AKAP6: variants seen among roughly 807,000 people sequenced by gnomAD.
AKAP6 encodes A-kinase anchoring protein 6.
A neutral mutation model predicts 188.5 loss-of-function variants in AKAP6; 58 were observed. That is an observed-to-expected ratio of 0.31 (90% CI 0.25 to 0.38). The LOEUF is 0.38. Among genes scored for constraint, AKAP6 ranks in the 10% least tolerant of loss-of-function variants. The pLI is 1.00. For synonymous variants in AKAP6, 989 were observed against 998.6 expected (o/e 0.99, Z 0.18); for missense variants, 2,710 against 2,740.0 (o/e 0.99, Z 0.24).
At chr14:32,613,578 T>G (rs1224180495) in intron 7 of AKAP6, among the ~76,000 whole-genome samples, 1 of 152,202 alleles carries the variant, frequency 6.6e-6, no homozygotes, top group African/African-American at 2.4e-5. Context: ...AAGGTAATAA[T>G]AGTATGATAT....
At chr14:32,467,964 A>C (rs1878555251) in intron 2 of AKAP6, among the ~76,000 whole-genome samples, 1 of 151,702 alleles carries the variant, frequency 6.6e-6, no homozygotes, top group Admixed American at 6.6e-5. Context: ...AGTCTTTGTC[A>C]TCAAGGGACT....
chr14:32,349,609 A>G (rs1887194134), intron 1 of AKAP6, among the ~76,000 whole-genome samples: 1 of 152,256 alleles, frequency 6.6e-6, no homozygotes, highest in South Asian at 2.1e-4. Context: ...CATAAAAATA[A>G]TAACAATGAT....
chr14:32,411,034 G>A (rs1359632004), intron 1 of AKAP6, among the ~76,000 whole-genome samples: 2 of 152,168 alleles, frequency 1.3e-5, no homozygotes, highest in African/African-American at 4.8e-5. Flanking sequence ...TGTCAGCTAT[G>A]AGCCTCACTA....
At chr14:32,649,417 C>G (rs571637653) in intron 7 of AKAP6, among the ~76,000 whole-genome samples, 2 of 151,974 alleles carry the variant, frequency 1.3e-5, no homozygotes. Flanking sequence ...TTATGTATGC[C>G]GATTGGCAGG....
chr14:32,538,593 T>A (rs1408849058), intron 3 of AKAP6, among the ~76,000 whole-genome samples: 5 of 152,066 alleles, frequency 3.3e-5, no homozygotes, highest in Non-Finnish European at 7.4e-5. Context: ...AAAATAAAAC[T>A]AGTCAATAAC....
chr14:32,516,181 T>C (rs1015792532), intron 2 of AKAP6, among the ~76,000 whole-genome samples: 3 of 152,246 alleles, frequency 2.0e-5, no homozygotes, highest in African/African-American at 4.8e-5. Context: ...TCTGTGATGA[T>C]CTGCAAAGAC....
intron 9 of AKAP6, among the ~76,000 whole-genome samples, chr14:32,696,910 T>A (rs1007938116): frequency 2.6e-5 from 4 of 152,206 alleles, no homozygotes; most frequent in Admixed American, 1.3e-4. Context: ...ATTTAGGCAA[T>A]TTTTATTGGA....
intron 12 of AKAP6, among the ~76,000 whole-genome samples, chr14:32,795,840 A>G (rs1359332663): frequency 6.6e-6 from 1 of 152,202 alleles, no homozygotes; most frequent in Non-Finnish European, 1.5e-5. Flanking sequence ...GAGGAAGTCA[A>G]ATCATCTTTG....
At chr14:32,418,536 T>C (rs966903039) in intron 1 of AKAP6, among the ~76,000 whole-genome samples, 4 of 152,190 alleles carry the variant, frequency 2.6e-5, no homozygotes, top group African/African-American at 9.6e-5. Flanking sequence ...TGACCTATTA[T>C]AATGTTCAGC....
intron 7 of AKAP6, among the ~76,000 whole-genome samples, chr14:32,624,994 A>T (rs535894646): frequency 9.8e-5 from 15 of 152,286 alleles, no homozygotes; most frequent in African/African-American, 3.6e-4. Context: ...TCATACAGTG[A>T]ATAATTAAAA....
At chr14:32,708,702 T>C (rs1890915327) in intron 9 of AKAP6, among the ~76,000 whole-genome samples, 2 of 152,046 alleles carry the variant, frequency 1.3e-5, no homozygotes, top group Admixed American at 6.6e-5. Flanking sequence ...TGTTACAAGA[T>C]GCATCATTTC....
At chr14:32,365,063 G>A (rs1401525112) in intron 1 of AKAP6, among the ~76,000 whole-genome samples, 1 of 152,106 alleles carries the variant, frequency 6.6e-6, no homozygotes, top group Non-Finnish European at 1.5e-5. Context: ...ATTGAAACAA[G>A]GTAGGCTTGC....
At chr14:32,375,275 G>C (rs1201792223) in intron 1 of AKAP6, among the ~76,000 whole-genome samples, 1 of 152,170 alleles carries the variant, frequency 6.6e-6, no homozygotes, top group Admixed American at 6.5e-5. Flanking sequence ...ACATAATACA[G>C]AAGGGAAAAG....
At chr14:32,608,574 G>A (rs1284805189) in intron 7 of AKAP6, among the ~76,000 whole-genome samples, 2 of 151,300 alleles carry the variant, frequency 1.3e-5, no homozygotes, top group African/African-American at 2.4e-5. Context: ...CTTGAGAATA[G>A]AAACATTTGG....
At chr14:32,373,736 G>A (rs1158363991) in intron 1 of AKAP6, among the ~76,000 whole-genome samples, 2 of 152,142 alleles carry the variant, frequency 1.3e-5, no homozygotes, top group Admixed American at 1.3e-4. Context: ...TTAGAAGCAA[G>A]GTGCAGTCAG....
At chr14:32,553,121 GT>G (rs769210891) in intron 4 of AKAP6, among the ~76,000 whole-genome samples, 4 of 150,896 alleles carry the variant, frequency 2.7e-5, no homozygotes, top group Non-Finnish European at 5.9e-5. Context: ...GACTAATTTT[GT>G]AAAACAAAAG....
chr14:32,597,700 G>C (rs920680587), intron 5 of AKAP6, among the ~76,000 whole-genome samples: 69 of 152,118 alleles, frequency 4.5e-4, no homozygotes, highest in African/African-American at 1.6e-3. Context: ...GTCACTTTCT[G>C]TTATATTGGC....
Position 32,732,503 on chromosome 14 carries a change from T to A in AKAP6, c.3050T>A (p.Leu1017His), listed in dbSNP as rs772532951. Residue 1017 changes from leucine (L) to histidine (H), a missense_variant, in exon 10 of 14, where the codon CTT becomes CAT. Around this residue, in one of 2 missense-constraint regions of AKAP6, gnomAD observed 2,473 missense variants for 2,426.1 expected, o/e 1.02. Transcript: ENST00000280979. The part of the protein sequence containing the change: ...SIRHLKKTEL[L>H]SKVEALKKGG... ...AGACACCTGAAAAAGACGGAGCTGC[T>A]TAGTAAGGTTGAAGCTTTGAAGAAA... 1 of 1,613,460 alleles carries A rather than the reference T, an allele frequency of 6.2e-7. No individual in the cohort carries two copies. Among genetic ancestry groups the A allele is most frequent in the Non-Finnish European group, 8.5e-7 (1 of 1,179,610 alleles).
At chr14:32,674,341 A>G (rs12590528) in intron 7 of AKAP6, among the ~76,000 whole-genome samples, 47,668 of 151,968 alleles carry the variant, frequency 0.31, 8,962 homozygotes, top group East Asian at 0.58. Flanking sequence ...TTTGGCCACT[A>G]TAAGAGAAGA....
Sources: gnomAD v4.1 joint callset for allele counts (sites outside exome capture counted in the v4.1 genomes callset) on GRCh38, gnomAD v4.1.1 for gene constraint, gnomAD v4.1.1 regional missense constraint, MANE v1.5 for transcripts, NCBI Gene and HGNC (gene_info 2026-07-23, HGNC 2026-07-21) for gene names.